CAGE1: variants seen among roughly 807,000 people sequenced by gnomAD.
CAGE1 encodes cancer-associated gene 1 protein.
In CAGE1, 66 loss-of-function variants were observed where a neutral mutation model predicts 94.9. That is an observed-to-expected ratio of 0.70 (90% CI 0.57 to 0.85). The LOEUF is 0.85. Among genes scored for constraint, CAGE1 ranks in the 40% least tolerant of loss-of-function variants. The pLI, the probability that CAGE1 is intolerant of heterozygous loss-of-function variation, is 0.00. For synonymous variants in CAGE1, 319 were observed against 321.0 expected (o/e 0.99, Z 0.07); for missense variants, 865 against 950.4 (o/e 0.91, Z 1.18).
chr6:7,384,866 T>C (rs900553056), intron 3 of CAGE1, among the ~76,000 whole-genome samples: 7 of 152,000 alleles, frequency 4.6e-5, no homozygotes, highest in Admixed American at 3.9e-4. Flanking sequence ...CTGGCTAATT[T>C]TTTGTATTTT....
intron 11 of CAGE1, among the ~76,000 whole-genome samples, chr6:7,345,776 T>A (rs990526542): frequency 4.0e-5 from 6 of 151,472 alleles, no homozygotes; most frequent in Non-Finnish European, 1.5e-5. Context: ...ACAAAAAAAA[T>A]TAGCTGGGCG....
intron 11 of CAGE1, among the ~76,000 whole-genome samples, chr6:7,349,620 T>C (rs1759691051): frequency 1.3e-5 from 2 of 152,086 alleles, no homozygotes; most frequent in Non-Finnish European, 2.9e-5. Flanking sequence ...ACTTAAAAGA[T>C]ACAGAACTGC....
chr6:7,365,671 T>G (rs761181979), intron 8 of CAGE1, 96 bp from the exon 9 acceptor site: 5 of 1,430,246 alleles, frequency 3.5e-6, no homozygotes, highest in Non-Finnish European at 3.8e-6. Flanking sequence ...TCAAAGAGAT[T>G]ATCAGTGGCT....
chr6:7,345,878 C>G (rs552402124), intron 11 of CAGE1, among the ~76,000 whole-genome samples: 3 of 152,236 alleles, frequency 2.0e-5, no homozygotes, highest in African/African-American at 7.2e-5. Context: ...TGAGCCGATA[C>G]TGTACCACTG....
chr6:7,356,056 T>C lies in CAGE1; in HGVS notation c.2267A>G (p.Tyr756Cys). 6.5e-7 allele frequency: 1 copy of C among 1,549,042 alleles called. No homozygotes were observed. Among genetic ancestry groups the C allele is most frequent in the Non-Finnish European group, 8.7e-7 (1 of 1,144,460 alleles). The change falls in exon 10 of 14, where the codon TAT (tyrosine) becomes TGT (cysteine). Residue 756 changes from tyrosine to cysteine, a missense_variant. Coordinates refer to ENST00000502583, the MANE Select transcript of CAGE1 (RefSeq NM_001170692.2). ...TATTAAGTTGCCTAAATGTCTTTGA[T>C]ACTTGTCATTTTCTTCAATGAGTCT... ...CNRLIEENDK[Y>C]QRHLGNLIKK...
Position 7,355,072 on chromosome 6 carries a change from T to G in CAGE1, c.2338A>C (p.Arg780=), listed in dbSNP as rs1443919834. The G allele has an allele frequency of 1.9e-6, 3 of 1,609,906 alleles. No individual in the cohort carries two copies. The highest frequency in any genetic ancestry group is 4.5e-5 in the East Asian group (2 of 44,754). ...ATCTGGGAGTGGGATATTGCAAGCCTTTGGTCAGCACATTCAATGATTTCT... is the reference window on the plus strand; with the variant it reads ...ATCTGGGAGTGGGATATTGCAAGCCGTTGGTCAGCACATTCAATGATTTCT... ...YEEIIECADQ[R]LAISHSQIAH... The change falls in exon 11 of 14, where the codon AGG becomes CGG. Residue 780 remains arginine, a synonymous_variant. Transcript: ENST00000502583.
intron 9 of CAGE1, among the ~76,000 whole-genome samples, chr6:7,361,611 TTGC>T (rs1320499082): frequency 1.3e-5 from 2 of 152,208 alleles, no homozygotes; most frequent in African/African-American, 2.4e-5. Context: ...TCTTAAGCTC[TTGC>T]TAAGAGCTGG....
At chr6:7,341,671 A>C in intron 11 of CAGE1, 1 of 721,804 alleles carries the variant, frequency 1.4e-6, no homozygotes, top group Non-Finnish European at 2.6e-6. Context: ...AATCAACTCA[A>C]CCTTCACGTA....
At chr6:7,330,649 G>T (rs1417659136) in intron 12 of CAGE1, among the ~76,000 whole-genome samples, 4 of 152,182 alleles carry the variant, frequency 2.6e-5, no homozygotes, top group Admixed American at 2.6e-4. Context: ...GTAAGCTGAA[G>T]CTTGTTTGAG....
At chr6:7,375,400 C>T (rs1001991902) in intron 4 of CAGE1, among the ~76,000 whole-genome samples, 1 of 151,990 alleles carries the variant, frequency 6.6e-6, no homozygotes, top group Admixed American at 6.6e-5. Context: ...CAGAGCGAGA[C>T]TCTGTCTCAA....
chr6:7,337,444 C>G (rs1313456905), intron 11 of CAGE1, among the ~76,000 whole-genome samples: 1 of 151,986 alleles, frequency 6.6e-6, no homozygotes, highest in Non-Finnish European at 1.5e-5. Flanking sequence ...TTGCCTAACC[C>G]AAAGTCATAG....
chr6:7,380,812 C>A (rs986745664), intron 3 of CAGE1, among the ~76,000 whole-genome samples: 2 of 152,072 alleles, frequency 1.3e-5, no homozygotes, highest in Non-Finnish European at 2.9e-5. Flanking sequence ...AACATGTTTC[C>A]TTCTATGCCA....
At chr6:7,344,942 C>G (rs1007673379) in intron 11 of CAGE1, among the ~76,000 whole-genome samples, 4 of 152,152 alleles carry the variant, frequency 2.6e-5, no homozygotes, top group Non-Finnish European at 4.4e-5. Flanking sequence ...GGATTGTAAA[C>G]GCACCAATCA....
chr6:7,330,547 T>C (rs991947284), intron 12 of CAGE1, among the ~76,000 whole-genome samples: 1 of 152,196 alleles, frequency 6.6e-6, no homozygotes, highest in Non-Finnish European at 1.5e-5. Context: ...CTGAGGCTAT[T>C]CAGATACTCG....
chr6:7,331,431 A>C (rs1758749820), intron 12 of CAGE1: 1 of 542,596 alleles, frequency 1.8e-6, no homozygotes, highest in Non-Finnish European at 3.1e-6. Context: ...GCTACCAAAG[A>C]CTGTTCCAAT....
intron 3 of CAGE1, among the ~76,000 whole-genome samples, chr6:7,382,341 CA>C (rs1156524877): frequency 1.3e-5 from 2 of 150,966 alleles, no homozygotes; most frequent in East Asian, 4.1e-4. Flanking sequence ...CTCACTCTGT[CA>C]CCCACGCTGG....
intron 11 of CAGE1, among the ~76,000 whole-genome samples, chr6:7,354,149 A>G (rs1387842709): frequency 1.3e-5 from 2 of 152,208 alleles, no homozygotes; most frequent in African/African-American, 4.8e-5. Context: ...AATATCAGCA[A>G]AATGATAGTT....
At chr6:7,358,176 C>T (rs1024008457) in intron 9 of CAGE1, among the ~76,000 whole-genome samples, 1 of 150,566 alleles carries the variant, frequency 6.6e-6, no homozygotes, top group Non-Finnish European at 1.5e-5. Context: ...TGCCCATCTG[C>T]CTTCCTTGAC....
rs1257084432 is a variant in CAGE1, at chr6:7,358,065, T to TATATATATATATATATATATAC, written c.2194-1937_2194-1936insGTATATATATATATATATATAT. 3.5e-5 allele frequency among the ~76,000 whole-genome samples: 4 copies of TATATATATATATATATATATAC among 114,094 alleles called. 1 individual carries two copies. Among genetic ancestry groups the TATATATATATATATATATATAC allele is most frequent in the African/African-American group, 1.5e-4 (4 of 26,778 alleles). 74.9% of individuals were successfully genotyped at this position (114,094 alleles called of 152,430 possible). A position where few individuals can be genotyped will look rare whatever the true frequency, so the allele number is the denominator to read the frequency against. ...ATATATATATATATATATATATATA[T>TATATATATATATATATATATAC]ATATATGCCTCCAAAACCATCACCA... is the stretch of plus-strand genomic sequence containing the variant. On this transcript the variant is annotated intron_variant, in intron 9 of 13. Transcript: ENST00000502583.
Sources: gnomAD v4.1 joint callset for allele counts (sites outside exome capture counted in the v4.1 genomes callset) on GRCh38, gnomAD v4.1.1 for gene constraint, MANE v1.5 for transcripts, NCBI Gene and HGNC (gene_info 2026-07-23, HGNC 2026-07-21) for gene names.